The following GTF2A1L variants were observed in gnomAD, a reference collection of about 807,000 sequenced individuals.
GTF2A1L encodes the protein general transcription factor IIA subunit 1 like.
GTF2A1L carries 48 observed loss-of-function variants against 49.7 expected under a neutral mutation model. The observed-to-expected ratio is 0.97, with a 90% confidence interval of 0.77 to 1.23. The LOEUF is 1.23. Ranked by LOEUF, GTF2A1L falls within the 50% of genes most tolerant of loss-of-function variation. The pLI is 0.00. For synonymous variants in GTF2A1L, 246 were observed against 193.5 expected, an observed-to-expected ratio of 1.27 and a Z score of -2.25; for missense variants, 736 against 564.8, an observed-to-expected ratio of 1.30 and a Z score of -3.07.
chr2:48,643,609 G>A (rs1287303324), intron 4 of GTF2A1L, among the ~76,000 whole-genome samples: 1 of 151,848 alleles, frequency 6.6e-6, no homozygotes, highest in Non-Finnish European at 1.5e-5. Flanking sequence ...GTAAAAATGG[G>A]CTGAGCACAG....
intron 3 of GTF2A1L, among the ~76,000 whole-genome samples, chr2:48,637,945 A>G (rs560886902): frequency 2.0e-5 from 3 of 152,136 alleles, no homozygotes; most frequent in Non-Finnish European, 4.4e-5. Context: ...ACTATTGTGA[A>G]CAACACCTCT....
intron 3 of GTF2A1L, among the ~76,000 whole-genome samples, chr2:48,627,564 C>A (rs1676354665): frequency 7.0e-6 from 1 of 143,806 alleles, no homozygotes; most frequent in African/African-American, 2.5e-5. Flanking sequence ...TTATCATTGG[C>A]AAATACATGC....
At chr2:48,664,597 T>A (rs1168807087) in intron 6 of GTF2A1L, among the ~76,000 whole-genome samples, 3 of 152,158 alleles carry the variant, frequency 2.0e-5, no homozygotes. Context: ...TCTGTATCTC[T>A]TCTGTTTTCT....
chr2:48,650,472 G>A (rs1289786793), intron 6 of GTF2A1L, among the ~76,000 whole-genome samples: 2 of 152,002 alleles, frequency 1.3e-5, no homozygotes, highest in African/African-American at 4.8e-5. Context: ...TGGAGTGAGA[G>A]GATAAGAGAA....
intron 4 of GTF2A1L, among the ~76,000 whole-genome samples, chr2:48,643,693 ATT>A (rs71399070): frequency 5.8e-5 from 7 of 120,782 alleles, no homozygotes; most frequent in Admixed American, 9.9e-5. Context: ...TATTAATACA[ATT>A]TTTTTTTTTT....
At chr2:48,637,779 A>G (rs574694705) in intron 3 of GTF2A1L, among the ~76,000 whole-genome samples, 202 of 152,124 alleles carry the variant, frequency 1.3e-3, no homozygotes, top group Non-Finnish European at 2.3e-3. Flanking sequence ...AATGAAGGGA[A>G]TGTTACCACT....
intron 3 of GTF2A1L, among the ~76,000 whole-genome samples, chr2:48,630,026 G>A (rs1187661923): frequency 6.9e-6 from 1 of 144,298 alleles, no homozygotes; most frequent in Non-Finnish European, 1.6e-5. Context: ...TAGACTTATA[G>A]TATGGGTGAA....
chr2:48,657,741 T>C (rs1678261451), intron 6 of GTF2A1L, among the ~76,000 whole-genome samples: 1 of 146,786 alleles, frequency 6.8e-6, no homozygotes, highest in African/African-American at 2.5e-5. Context: ...CCTTTTCCTC[T>C]GCAGCCTTGC....
chr2:48,618,102 CG>C, intron 1 of GTF2A1L: 2 of 548,432 alleles, frequency 3.6e-6, no homozygotes, highest in South Asian at 5.5e-5. Flanking sequence ...GGGCCAGCCC[CG>C]CCAAAAGAAC....
chr2:48,673,448 C>T (rs543304778), intron 8 of GTF2A1L, among the ~76,000 whole-genome samples: 89 of 150,654 alleles, frequency 5.9e-4, no homozygotes, highest in Middle Eastern at 3.4e-3. Context: ...CTGCAAGCTC[C>T]GCCTCCCGGG....
At chr2:48,665,244 A>T in intron 6 of GTF2A1L, among the ~76,000 whole-genome samples, 1 of 148,186 alleles carries the variant, frequency 6.7e-6, no homozygotes, top group African/African-American at 2.5e-5. Context: ...TTTATTGATA[A>T]TTTCAAAGAA....
intron 4 of GTF2A1L, among the ~76,000 whole-genome samples, chr2:48,644,287 G>A (rs1233160478): frequency 1.3e-5 from 2 of 152,124 alleles, no homozygotes; most frequent in African/African-American, 4.8e-5. Flanking sequence ...TTTCATGAAA[G>A]CTATATTAGT....
At chr2:48,632,391 GT>G (rs770302491) in intron 3 of GTF2A1L, 64 of 140,336 alleles carry the variant, frequency 4.6e-4, no homozygotes, top group Middle Eastern at 3.6e-3. Flanking sequence ...CAAGTTTTTT[GT>G]TTTTTTTTTT....
intron 8 of GTF2A1L, 38 bp from the exon 9 acceptor site, chr2:48,679,297 G>A: frequency 6.3e-7 from 1 of 1,596,378 alleles, no homozygotes; most frequent in South Asian, 1.1e-5. Flanking sequence ...CCTTTAACTT[G>A]TAAAATTAAT....
At chr2:48,676,818 TATCTATATCTATATC>T (rs1440894369) in intron 8 of GTF2A1L, among the ~76,000 whole-genome samples, 1 of 151,124 alleles carries the variant, frequency 6.6e-6, no homozygotes, top group Non-Finnish European at 1.5e-5. Flanking sequence ...TATATATCTA[TATCTATATCTATATC>T]ATCTATATCT....
At chr2:48,670,046 C>T in intron 7 of GTF2A1L, 64 bp downstream of exon 7, 1 of 1,528,514 alleles carries the variant, frequency 6.5e-7, no homozygotes, top group East Asian at 2.3e-5. Context: ...TTTATTATGC[C>T]TTGGAACCAA....
At chr2:48,642,227 AGTT>A (rs933100792) in intron 3 of GTF2A1L, among the ~76,000 whole-genome samples, 172 bp from the exon 4 acceptor site, 8 of 152,180 alleles carry the variant, frequency 5.3e-5, no homozygotes, top group African/African-American at 1.7e-4. Context: ...CTTTATGTGA[AGTT>A]GTTGCAAAAA....
intron 5 of GTF2A1L, among the ~76,000 whole-genome samples, chr2:48,645,859 A>G (rs929008990): frequency 6.6e-6 from 1 of 151,980 alleles, no homozygotes; most frequent in African/African-American, 2.4e-5. Context: ...CGTTTTAGCC[A>G]GGAGGGTCTT....
At chr2:48,626,226 C>G (rs1676283629) in intron 3 of GTF2A1L, among the ~76,000 whole-genome samples, 1 of 143,720 alleles carries the variant, frequency 7.0e-6, no homozygotes, top group Non-Finnish European at 1.6e-5. Flanking sequence ...TTCTGCTGGT[C>G]TTTGTGTCTG....
Sources: gnomAD v4.1 joint callset for allele counts (sites outside exome capture counted in the v4.1 genomes callset) on GRCh38, gnomAD v4.1.1 for gene constraint, MANE v1.5 for transcripts, NCBI Gene and HGNC (gene_info 2026-07-23, HGNC 2026-07-21) for gene names.